GNAZ: variants seen among roughly 807,000 people sequenced by gnomAD.
GNAZ encodes guanine nucleotide-binding protein G(z) subunit alpha.
GNAZ carries 3 observed loss-of-function variants against 25.4 expected under a neutral mutation model. The observed-to-expected ratio is 0.12, with a 90% CI of 0.05 to 0.30. The LOEUF (loss-of-function observed/expected upper bound fraction) is 0.30. GNAZ is among the 10% of genes least tolerant of loss of function. The probability of loss-of-function intolerance (pLI) is 1.00; values close to 1 mark genes in which losing one functional copy is unlikely to be tolerated. For missense variants in GNAZ, 241 were observed against 501.8 expected (o/e 0.48, Z 4.97); for synonymous variants, 211 against 205.7 (o/e 1.03, Z -0.22).
rs890293932 is a variant in GNAZ at position 23,089,323 on chromosome 22, CT to C, written c.-449-5922del. On this transcript the variant is annotated intron_variant, in intron 1 of 2. Coordinates refer to ENST00000615612, the MANE Select transcript of GNAZ (RefSeq NM_002073.4). The stretch of plus-strand genomic sequence containing the variant: ...CTGTGCTGGCTGTTGTGGAGGAGGC[CT>C]TGAGCAAAGCTTTGGGGACAGCCTG... Among the ~76,000 whole-genome samples the C allele has an allele frequency of 5.5e-4, 84 of 152,280 alleles. 3 individuals carry two copies. Among genetic ancestry groups the C allele is most frequent in the African/African-American group, 1.7e-3 (71 of 41,532 alleles).
intron 2 of GNAZ, among the ~76,000 whole-genome samples, chr22:23,108,814 A>G (rs2146354613): frequency 6.6e-6 from 1 of 152,356 alleles, no homozygotes; most frequent in South Asian, 2.1e-4. Flanking sequence ...AAGTGTTAGC[A>G]TCCTCTGCCT....
chr22:23,100,675 GCT>G (rs1433553124), intron 2 of GNAZ, among the ~76,000 whole-genome samples: 3 of 152,252 alleles, frequency 2.0e-5, no homozygotes, highest in Non-Finnish European at 4.4e-5. Flanking sequence ...CACAGCCTGT[GCT>G]CTGAGCAGAG....
chr22:23,078,082 T>C (rs1030049749), intron 1 of GNAZ, among the ~76,000 whole-genome samples: 1 of 152,222 alleles, frequency 6.6e-6, no homozygotes, highest in African/African-American at 2.4e-5. Flanking sequence ...GTAGAGTGGC[T>C]ACCAGGACCC....
At chr22:23,082,609 G>T (rs1230343561) in intron 1 of GNAZ, among the ~76,000 whole-genome samples, 1 of 152,064 alleles carries the variant, frequency 6.6e-6, no homozygotes, top group Non-Finnish European at 1.5e-5. Context: ...CTACAACAGA[G>T]CCAAGGCCAC....
rs1366387037 is a variant in GNAZ, at chr22:23,082,079, C to T, written c.-450+11509C>T. Among the ~76,000 whole-genome samples the T allele has an allele frequency of 1.2e-4, 17 of 146,200 alleles. No individual in the cohort carries two copies. In the East Asian group the frequency reaches 2.8e-3, roughly 24 times the overall value. On this transcript the variant is annotated intron_variant, in intron 1 of 2. Transcript: ENST00000615612. ...CGCGGAGCTTGCAGTGAGCCGAGAT[C>T]GTGCCGCTGCACTCCAGCCTGGGCG...
chr22:23,121,925 G>GT (rs1268968522), intron 2 of GNAZ, among the ~76,000 whole-genome samples: 6 of 151,882 alleles, frequency 4.0e-5, no homozygotes, highest in African/African-American at 1.5e-4. Flanking sequence ...TAGAGATGAA[G>GT]TTTCACTGTG....
chr22:23,091,311 C>T (rs1190141937), intron 1 of GNAZ, among the ~76,000 whole-genome samples: 2 of 152,240 alleles, frequency 1.3e-5, no homozygotes, highest in Non-Finnish European at 2.9e-5. Flanking sequence ...CCTATGCATA[C>T]ACGCACACAT....
intron 2 of GNAZ, among the ~76,000 whole-genome samples, chr22:23,101,140 C>T (rs1360040797): frequency 2.0e-5 from 3 of 152,172 alleles, no homozygotes; most frequent in Admixed American, 2.0e-4. Flanking sequence ...CCCCAGCATA[C>T]CAGGGCTTAG....
Position 23,095,131 on chromosome 22 carries a change from G to A in GNAZ, c.-449-116G>A, listed in dbSNP as rs1325552364. ...AGAGGGGGTTGGATGGATTGTTGCC[G>A]GCTCATTTTCCAAGGCCAGTCTCTG... On this transcript the variant is annotated intron_variant, in intron 1 of 2. Transcript: ENST00000615612. 5 of 158,510 alleles carry A rather than the reference G, an allele frequency of 3.2e-5. No homozygotes were observed. The East Asian group carries it at 5.7e-4, about 18-fold the overall frequency. 9.8% of individuals were successfully genotyped at this position (158,510 alleles called of 1,614,324 possible).
At chr22:23,118,757 G>A (rs1192608497) in intron 2 of GNAZ, among the ~76,000 whole-genome samples, 1 of 152,168 alleles carries the variant, frequency 6.6e-6, no homozygotes, top group African/African-American at 2.4e-5. Context: ...CATGGGGCAG[G>A]GCCACATGAC....
chr22:23,086,002 C>T (rs1250287242), intron 1 of GNAZ, among the ~76,000 whole-genome samples: 2 of 152,272 alleles, frequency 1.3e-5, no homozygotes, highest in East Asian at 1.9e-4. Flanking sequence ...TTGCCTGGCC[C>T]CTCGGCAGGG....
rs141912172 is a variant in GNAZ at position 23,103,597 on chromosome 22, G to T, written c.723+7179G>T. Among the ~76,000 whole-genome samples, 645 of 152,290 alleles carry T rather than the reference G, an allele frequency of 4.2e-3. 1 individual carries two copies. Among genetic ancestry groups the T allele is most frequent in the Non-Finnish European group, 5.8e-3 (393 of 68,028 alleles). On this transcript the variant is annotated intron_variant, in intron 2 of 2. Coordinates refer to ENST00000615612, the MANE Select transcript of GNAZ (RefSeq NM_002073.4). ...GCCTGCCTCCCTCCCGCTCTTCCTC[G>T]GCAGATTTAAGAGAATCCTACTCCA...
chr22:23,108,226 T>G (rs1391942257), intron 2 of GNAZ, among the ~76,000 whole-genome samples: 2 of 152,222 alleles, frequency 1.3e-5, no homozygotes, highest in East Asian at 3.8e-4. Flanking sequence ...TTGCCTGCCA[T>G]CCACCCCGTG....
intron 2 of GNAZ, among the ~76,000 whole-genome samples, chr22:23,109,872 C>T (rs1436213998): frequency 1.3e-5 from 2 of 152,180 alleles, no homozygotes; most frequent in Non-Finnish European, 2.9e-5. Context: ...AGGTACCAGC[C>T]CCCCACCTCT....
rs1353794467 is a variant in GNAZ, at chr22:23,124,527, A to G, written c.*1096A>G. On this transcript the variant is annotated 3_prime_UTR_variant, in exon 3 of 3. Coordinates refer to ENST00000615612, the MANE Select transcript of GNAZ (RefSeq NM_002073.4). Reference sequence around the variant, plus strand: ...TTTGTTTTTATTTAAGAAAATAAACACGACATATTTAAAGAAGGTTCTTTC... The same window carrying G: ...TTTGTTTTTATTTAAGAAAATAAACGCGACATATTTAAAGAAGGTTCTTTC... 3 of 322,610 alleles carry G rather than the reference A, an allele frequency of 9.3e-6. No individual in the cohort carries two copies. The highest frequency in any genetic ancestry group is 6.8e-5 in the African/African-American group (3 of 44,362). The allele number at this position is 322,610 out of a possible 1,614,324, so 20.0% of individuals were successfully genotyped here.
At chr22:23,081,608 G>T (rs2068679416) in intron 1 of GNAZ, among the ~76,000 whole-genome samples, 1 of 151,806 alleles carries the variant, frequency 6.6e-6, no homozygotes, top group Non-Finnish European at 1.5e-5. Flanking sequence ...GATCATTTGA[G>T]GTCAGGAGTT....
At chr22:23,094,549 C>T (rs1047769818) in intron 1 of GNAZ, among the ~76,000 whole-genome samples, 1 of 152,212 alleles carries the variant, frequency 6.6e-6, no homozygotes, top group Non-Finnish European at 1.5e-5. Context: ...CGTGCAGCCC[C>T]CAGCTCCTTG....
intron 2 of GNAZ, among the ~76,000 whole-genome samples, chr22:23,109,967 T>A (rs1405453423): frequency 6.6e-6 from 1 of 152,166 alleles, no homozygotes; most frequent in Non-Finnish European, 1.5e-5. Context: ...GCTCACTGAG[T>A]CATTAACCCT....
chr22:23,119,063 C>T (rs1409327152), intron 2 of GNAZ, among the ~76,000 whole-genome samples: 2 of 152,234 alleles, frequency 1.3e-5, no homozygotes, highest in African/African-American at 4.8e-5. Context: ...TTCTTGCTTC[C>T]CATATGCATG....
Sources: gnomAD v4.1 joint callset for allele counts (sites outside exome capture counted in the v4.1 genomes callset) on GRCh38, gnomAD v4.1.1 for gene constraint, MANE v1.5 for transcripts, NCBI Gene and HGNC (gene_info 2026-07-23, HGNC 2026-07-21) for gene names.